The following PPFIA2 variants were observed in gnomAD, a reference collection of about 807,000 sequenced individuals.
The protein encoded by PPFIA2 is PPFI scaffold protein A2.
PPFIA2 carries 46 observed loss-of-function variants against 175.5 expected under a neutral mutation model. The ratio of observed to expected loss-of-function variants is 0.26; its 90% CI spans 0.21 to 0.34. PPFIA2 has a LOEUF of 0.34. Ranked by LOEUF, PPFIA2 falls within the 10% of genes least tolerant of loss-of-function variation. The pLI is 1.00. For missense variants in PPFIA2, 1,179 were observed against 1,506.1 expected, an observed-to-expected ratio of 0.78 and a Z score of 3.60; for synonymous variants, 568 against 511.4, an observed-to-expected ratio of 1.11 and a Z score of -1.49.
At chr12:81,730,722 T>G (rs963256208) in intron 3 of PPFIA2, among the ~76,000 whole-genome samples, 2 of 151,638 alleles carry the variant, frequency 1.3e-5, no homozygotes, top group African/African-American at 4.8e-5. Context: ...CCTTGATATG[T>G]CTGCTATATG....
intron 4 of PPFIA2, among the ~76,000 whole-genome samples, chr12:81,527,111 G>T: frequency 6.6e-6 from 1 of 152,076 alleles, no homozygotes; most frequent in East Asian, 1.9e-4. Context: ...TCTTAATTTA[G>T]TCATTTTCTT....
intron 7 of PPFIA2, among the ~76,000 whole-genome samples, chr12:81,412,447 C>T (rs2044158023): frequency 1.3e-5 from 2 of 151,194 alleles, no homozygotes; most frequent in South Asian, 4.2e-4. Flanking sequence ...TATAAATTTG[C>T]TTCTTTTCAT....
chr12:81,758,626 CCAAA>C, intron 1 of PPFIA2, 119 bp from the exon 2 acceptor site: 1 of 344,418 alleles, frequency 2.9e-6, no homozygotes, highest in South Asian at 2.2e-5. Context: ...CCGTCAGCAG[CCAAA>C]AGGAGAAGCG....
At chr12:81,739,782 G>A (rs2082113116) in intron 3 of PPFIA2, among the ~76,000 whole-genome samples, 1 of 152,112 alleles carries the variant, frequency 6.6e-6, no homozygotes, top group Non-Finnish European at 1.5e-5. Flanking sequence ...GAACAAGATA[G>A]TGTCAAATTC....
chr12:81,345,386 TCA>T (rs1566304830), intron 18 of PPFIA2, among the ~76,000 whole-genome samples: 1 of 152,162 alleles, frequency 6.6e-6, no homozygotes, highest in African/African-American at 2.4e-5. Context: ...GCCTTTTTTT[TCA>T]GTACTCTAAT....
chr12:81,373,877 G>T (rs1367075397), intron 11 of PPFIA2, among the ~76,000 whole-genome samples: 1 of 151,966 alleles, frequency 6.6e-6, no homozygotes, highest in Non-Finnish European at 1.5e-5. Flanking sequence ...AATATAAATT[G>T]TGTGATTATT....
chr12:81,594,716 AC>A (rs1437541412), intron 4 of PPFIA2, among the ~76,000 whole-genome samples: 1 of 151,980 alleles, frequency 6.6e-6, no homozygotes, highest in African/African-American at 2.4e-5. Context: ...GGAGTTCAAG[AC>A]CCTGGAAAAT....
chr12:81,261,770 G>A (rs1456328423), intron 32 of PPFIA2, among the ~76,000 whole-genome samples, 179 bp downstream of exon 32: 1 of 152,156 alleles, frequency 6.6e-6, no homozygotes, highest in Non-Finnish European at 1.5e-5. Context: ...ATGGTGATAG[G>A]AAATGCTAGA....
chr12:81,353,380 G>C, intron 16 of PPFIA2, 41 bp from the exon 17 acceptor site: 1 of 1,407,988 alleles, frequency 7.1e-7, no homozygotes, highest in Non-Finnish European at 1.0e-6. Context: ...TTATCATATT[G>C]CTCATTTTCA....
intron 3 of PPFIA2, chr12:81,687,652 C>T (rs902035936): frequency 1.3e-5 from 2 of 151,986 alleles, no homozygotes; most frequent in African/African-American, 4.8e-5. Context: ...TCAAGCCTGG[C>T]TTTACTACCT....
chr12:81,265,747 A>G (rs772718523), intron 30 of PPFIA2, among the ~76,000 whole-genome samples: 1 of 152,204 alleles, frequency 6.6e-6, no homozygotes, highest in Non-Finnish European at 1.5e-5. Context: ...CTAGTTCATT[A>G]CTATTAAGAA....
intron 8 of PPFIA2, among the ~76,000 whole-genome samples, chr12:81,396,241 C>T (rs1357050050): frequency 1.3e-5 from 2 of 151,978 alleles, no homozygotes; most frequent in Non-Finnish European, 2.9e-5. Flanking sequence ...TTCTAGGTAC[C>T]TGAGCTTCAT....
At chr12:81,283,120 A>G in intron 25 of PPFIA2, 81 bp from the exon 26 acceptor site, 5 of 1,333,994 alleles carry the variant, frequency 3.7e-6, no homozygotes, top group Non-Finnish European at 5.3e-6. Context: ...TTTTTCTAGC[A>G]GAAGCAAAAT....
chr12:81,478,847 A>T (rs1277697568), intron 4 of PPFIA2, among the ~76,000 whole-genome samples: 1 of 152,124 alleles, frequency 6.6e-6, no homozygotes, highest in East Asian at 1.9e-4. Context: ...TTATGTGGTC[A>T]ATTTTAGAAT....
intron 3 of PPFIA2, among the ~76,000 whole-genome samples, chr12:81,732,170 C>T (rs1742604553): frequency 6.6e-6 from 1 of 151,434 alleles, no homozygotes; most frequent in Non-Finnish European, 1.5e-5. Flanking sequence ...TTCCTTCAGG[C>T]AAAGTGATGA....
chr12:81,422,912 A>C (rs2046538350), intron 7 of PPFIA2, among the ~76,000 whole-genome samples: 1 of 152,136 alleles, frequency 6.6e-6, no homozygotes, highest in African/African-American at 2.4e-5. Context: ...AAATTAATAA[A>C]TTTAATAAAA....
In PPFIA2 at chr12:81,479,009, C is replaced by T. The variant is rs1037094106; in HGVS notation, c.304-21143G>A. On this transcript the variant is annotated intron_variant, in intron 4 of 32. Transcript: ENST00000549396. ...GTCTCATTGAGCTATTTAATATTGA[C>T]AGTGGGGTGTTAAGGTCTCCCACTA... is the stretch of plus-strand genomic sequence containing the variant. Among the ~76,000 whole-genome samples the T allele has an allele frequency of 6.6e-5, 10 of 152,170 alleles. No individual in the cohort carries two copies. In the South Asian group the frequency reaches 1.9e-3, roughly 28 times the overall value.
At chr12:81,594,441 GC>G (rs2059024624) in intron 4 of PPFIA2, among the ~76,000 whole-genome samples, 1 of 152,080 alleles carries the variant, frequency 6.6e-6, no homozygotes, top group Non-Finnish European at 1.5e-5. Flanking sequence ...TCTTCTATGG[GC>G]CCAGGAGATA....
intron 4 of PPFIA2, among the ~76,000 whole-genome samples, chr12:81,458,943 C>G (rs1211599888): frequency 6.6e-6 from 1 of 152,070 alleles, no homozygotes. Flanking sequence ...ATGAAGGAGA[C>G]AGGTTTGGTT....
Sources: allele counts gnomAD v4.1 joint callset (sites outside exome capture counted in the v4.1 genomes callset), GRCh38; gene constraint gnomAD v4.1.1; transcripts MANE v1.5; gene names NCBI Gene and HGNC (gene_info 2026-07-23, HGNC 2026-07-21).